The following GRM8 variants were observed in gnomAD, a reference collection of about 807,000 sequenced individuals.
GRM8 encodes metabotropic glutamate receptor 8.
GRM8 carries 47 observed loss-of-function variants against 87.2 expected under a neutral mutation model. The observed-to-expected ratio is 0.54, with a 90% CI of 0.43 to 0.69. The LOEUF is 0.69. Among genes scored for constraint, GRM8 ranks in the 30% least tolerant of loss-of-function variants. GRM8 has a pLI of 0.00. For missense variants in GRM8, 1,019 were observed against 1,139.2 expected (o/e 0.89, Z 1.52); for synonymous variants, 396 against 404.5 (o/e 0.98, Z 0.25).
intron 3 of GRM8, among the ~76,000 whole-genome samples, chr7:127,105,105 A>G (rs1825687637): frequency 6.6e-6 from 1 of 152,214 alleles, no homozygotes; most frequent in South Asian, 2.1e-4. Flanking sequence ...ATAATACATT[A>G]ACCCTGTTTC....
At chr7:126,590,023 G>C (rs1248092051) in intron 8 of GRM8, among the ~76,000 whole-genome samples, 4 of 151,918 alleles carry the variant, frequency 2.6e-5, no homozygotes, top group Admixed American at 2.0e-4. Flanking sequence ...TCCAAAGCAT[G>C]AAGAAAGTCT....
chr7:126,522,410 G>T (rs557953689), intron 9 of GRM8, among the ~76,000 whole-genome samples: 1 of 152,236 alleles, frequency 6.6e-6, no homozygotes, highest in Non-Finnish European at 1.5e-5. Context: ...TGCTCAAAAA[G>T]GTTAAATATA....
intron 3 of GRM8, among the ~76,000 whole-genome samples, chr7:127,027,123 T>C (rs1816865374): frequency 6.6e-6 from 1 of 152,172 alleles, no homozygotes; most frequent in South Asian, 2.1e-4. Flanking sequence ...TTCAACAGGT[T>C]TGTCAAAGAT....
At chr7:126,531,131 G>A (rs922858149) in intron 9 of GRM8, among the ~76,000 whole-genome samples, 4 of 152,120 alleles carry the variant, frequency 2.6e-5, no homozygotes, top group Non-Finnish European at 5.9e-5. Flanking sequence ...ATTTTATAAT[G>A]TGAAGTACCT....
chr7:127,082,062 G>A (rs985375806), intron 3 of GRM8: 3 of 152,228 alleles, frequency 2.0e-5, no homozygotes, highest in Admixed American at 2.0e-4. Flanking sequence ...CACAGAGTCA[G>A]TGGGTACACA....
At chr7:127,212,429 T>A (rs1217348759) in intron 2 of GRM8, among the ~76,000 whole-genome samples, 1 of 146,706 alleles carries the variant, frequency 6.8e-6, no homozygotes, top group Non-Finnish European at 1.5e-5. Context: ...TTTTTTTTTT[T>A]TTTTTTGAGA....
rs150958285 is a variant in GRM8, at chr7:126,571,229, C to T, written c.1495-37342G>A. On this transcript the variant is annotated intron_variant, in intron 8 of 10. Coordinates refer to ENST00000339582, the MANE Select transcript of GRM8 (RefSeq NM_000845.3). ...ATATCAGAAATATAAAGTAGAAGTC[C>T]ATAGGTTGATAGATAAAAATAAGTA... 4.9e-3 allele frequency among the ~76,000 whole-genome samples: 748 copies of T among 152,144 alleles called. 5 individuals carry two copies. The highest frequency in any genetic ancestry group is 6.7e-3 in the Non-Finnish European group (456 of 68,002).
intron 9 of GRM8, among the ~76,000 whole-genome samples, chr7:126,459,310 G>T (rs1175794647): frequency 1.3e-5 from 2 of 151,440 alleles, no homozygotes; most frequent in Non-Finnish European, 3.0e-5. Context: ...TAAAACTATG[G>T]TGAGTAAATC....
chr7:127,093,244 G>A (rs1824328700), intron 3 of GRM8, among the ~76,000 whole-genome samples: 1 of 152,094 alleles, frequency 6.6e-6, no homozygotes, highest in Admixed American at 6.5e-5. Flanking sequence ...AAGCTTGACT[G>A]GAAACTGCAC....
intron 3 of GRM8, among the ~76,000 whole-genome samples, chr7:127,101,013 C>T (rs1825192373): frequency 6.6e-6 from 1 of 152,156 alleles, no homozygotes; most frequent in African/African-American, 2.4e-5. Context: ...CTCCACAAAG[C>T]TATGTACTGG....
intron 6 of GRM8, among the ~76,000 whole-genome samples, chr7:126,845,038 C>T (rs1053244075): frequency 6.6e-6 from 1 of 152,190 alleles, no homozygotes; most frequent in Admixed American, 6.5e-5. Context: ...CCCACACCAT[C>T]TCTACCTTAC....
At chr7:126,714,034 G>C (rs1209753148) in intron 7 of GRM8, among the ~76,000 whole-genome samples, 1 of 151,634 alleles carries the variant, frequency 6.6e-6, no homozygotes, top group Non-Finnish European at 1.5e-5. Flanking sequence ...CACTTTGGGA[G>C]GTCGAGGCGG....
intron 8 of GRM8, among the ~76,000 whole-genome samples, chr7:126,592,473 A>G (rs1796769094): frequency 6.6e-6 from 1 of 152,082 alleles, no homozygotes; most frequent in Non-Finnish European, 1.5e-5. Context: ...AGGATGGTTC[A>G]ACATATGTAA....
At chr7:127,046,770 T>C (rs1052228514) in intron 3 of GRM8, among the ~76,000 whole-genome samples, 1 of 152,232 alleles carries the variant, frequency 6.6e-6, no homozygotes, top group African/African-American at 2.4e-5. Flanking sequence ...TTCTTCCTTA[T>C]AAACATTTCT....
At chr7:127,141,598 C>T (rs1274461030) in intron 2 of GRM8, among the ~76,000 whole-genome samples, 1 of 152,138 alleles carries the variant, frequency 6.6e-6, no homozygotes, top group Non-Finnish European at 1.5e-5. Context: ...TTAATTGCAT[C>T]AATTTCTCTA....
At chr7:126,825,373 T>G (rs34862917) in intron 6 of GRM8, among the ~76,000 whole-genome samples, 91,773 of 151,992 alleles carry the variant, frequency 0.6, 28,251 homozygotes, top group Non-Finnish European at 0.66. Flanking sequence ...GCCCCAAACA[T>G]ATACTTCTTT....
At chr7:126,978,222 G>A (rs1034999956) in intron 3 of GRM8, among the ~76,000 whole-genome samples, 1 of 151,888 alleles carries the variant, frequency 6.6e-6, no homozygotes, top group African/African-American at 2.4e-5. Context: ...AGACAGGAGA[G>A]GAGAGGAAGG....
At chr7:126,539,474 C>T (rs1816288223) in intron 8 of GRM8, among the ~76,000 whole-genome samples, 2 of 151,828 alleles carry the variant, frequency 1.3e-5, no homozygotes, top group African/African-American at 4.8e-5. Context: ...ATAAGGGACC[C>T]AGAATAGCCA....
chr7:126,523,321 T>C lies in GRM8; in HGVS notation c.2430+9631A>G, dbSNP rs962219925. On this transcript the variant is annotated intron_variant, in intron 9 of 10. Transcript: ENST00000339582. ...TCTTACATCTCCTGATCCCATTGTATAGAATTAATGAGTTTGAATGTTTTT... is the reference window on the plus strand; with the variant it reads ...TCTTACATCTCCTGATCCCATTGTACAGAATTAATGAGTTTGAATGTTTTT... 3.0e-4 allele frequency among the ~76,000 whole-genome samples: 45 copies of C among 152,168 alleles called. 1 individual carries two copies. The highest frequency in any genetic ancestry group is 1.1e-3 in the African/African-American group (45 of 41,428).
Sources: allele counts gnomAD v4.1 joint callset (sites outside exome capture counted in the v4.1 genomes callset), GRCh38; gene constraint gnomAD v4.1.1; transcripts MANE v1.5; gene names NCBI Gene and HGNC (gene_info 2026-07-23, HGNC 2026-07-21).